Variants in PPARGC1A observed in about 807,000 individuals in gnomAD.
PPARGC1A encodes the protein PPARG coactivator 1 alpha.
In PPARGC1A, 25 loss-of-function variants were observed where a neutral mutation model predicts 88.7. The ratio of observed to expected loss-of-function variants is 0.28; its 90% confidence interval spans 0.21 to 0.39. PPARGC1A has a LOEUF of 0.39. Among genes scored for constraint, PPARGC1A ranks in the 10% least tolerant of loss-of-function variants. The probability of loss-of-function intolerance (pLI) is 1.00; values close to 1 mark genes in which losing one functional copy is unlikely to be tolerated. For missense variants in PPARGC1A, 880 were observed against 968.7 expected, an observed-to-expected ratio of 0.91 and a Z score of 1.22; for synonymous variants, 363 against 355.6, an observed-to-expected ratio of 1.02 and a Z score of -0.24.
At chr4:23,995,031 C>G in the PPARGC1A span, among the ~76,000 whole-genome samples, 1 of 152,084 alleles carries the variant, frequency 6.6e-6, no homozygotes, top group African/African-American at 2.4e-5. Flanking sequence ...TTTAATATAA[C>G]TTATTGTGAG....
the PPARGC1A span, among the ~76,000 whole-genome samples, chr4:24,189,584 A>G: frequency 6.6e-6 from 1 of 152,080 alleles, no homozygotes; most frequent in South Asian, 2.1e-4. Context: ...CACCTCTACT[A>G]CAAATGAGAA....
chr4:24,268,093 A>T, the PPARGC1A span, among the ~76,000 whole-genome samples: 1 of 152,260 alleles, frequency 6.6e-6, no homozygotes, highest in Admixed American at 6.5e-5. Flanking sequence ...TCATTAAAAT[A>T]TAAAGTTCTG....
chr4:24,002,097 C>CACACACACAGAG, the PPARGC1A span, among the ~76,000 whole-genome samples: 10 of 125,378 alleles, frequency 8.0e-5, no homozygotes, highest in African/African-American at 2.9e-4. Flanking sequence ...CACACACACA[C>CACACACACAGAG]AGAGAGAGAG....
chr4:23,897,526 A>G lies in PPARGC1A; in HGVS notation n.52+1741T>C, dbSNP rs140794727. 3.8e-4 allele frequency among the ~76,000 whole-genome samples: 58 copies of G among 152,334 alleles called. No homozygotes were observed. The Middle Eastern group carries it at 0.02, about 54-fold the overall frequency. ...TCTCTGCCAGATCTAAAATGCAGTG[A>G]TGTGCCTGTCTTGACAGAGACAGAC... On this transcript the variant is annotated intron_variant and non_coding_transcript_variant, in intron 1 of 3. Transcript: ENST00000507342.
chr4:23,882,538 C>T (rs1013531618), intron 2 of PPARGC1A: 8 of 152,110 alleles, frequency 5.3e-5, no homozygotes, highest in Non-Finnish European at 1.2e-4. Flanking sequence ...CCCTTGTCCC[C>T]AGGGATAACA....
the PPARGC1A span, among the ~76,000 whole-genome samples, chr4:24,048,911 G>A: frequency 1.3e-5 from 2 of 151,962 alleles, no homozygotes; most frequent in African/African-American, 4.8e-5. Context: ...GTCAACATAT[G>A]GCATTTCTGC....
the PPARGC1A span, among the ~76,000 whole-genome samples, chr4:24,438,128 AC>A: frequency 5.3e-5 from 8 of 152,140 alleles, no homozygotes; most frequent in Non-Finnish European, 1.5e-5. Context: ...GAGAAAGATA[AC>A]CTGACTCAAG....
chr4:24,472,208 G>T, the PPARGC1A span, among the ~76,000 whole-genome samples: 2 of 152,144 alleles, frequency 1.3e-5, no homozygotes, highest in Non-Finnish European at 2.9e-5. The surrounding 1 kb of genome is among the most constrained non-coding windows in gnomAD (Gnocchi z 4.5). Flanking sequence ...ATGGGGGAAG[G>T]GGGGGTATCT....
the PPARGC1A span, among the ~76,000 whole-genome samples, chr4:24,053,006 G>A: frequency 1.3e-5 from 2 of 150,652 alleles, no homozygotes; most frequent in East Asian, 2.0e-4. Context: ...TGGGACTACA[G>A]GCACCCGCCA....
the PPARGC1A span, among the ~76,000 whole-genome samples, chr4:24,314,455 T>C: frequency 6.6e-6 from 1 of 152,166 alleles, no homozygotes; most frequent in Non-Finnish European, 1.5e-5. Flanking sequence ...TACAATGCCA[T>C]CTATAAGGAA....
the PPARGC1A span, among the ~76,000 whole-genome samples, chr4:24,296,054 GTATA>G: frequency 3.3e-5 from 5 of 150,360 alleles, no homozygotes; most frequent in East Asian, 7.8e-4. Flanking sequence ...GTGTGTATGT[GTATA>G]TATGTGTATA....
At chr4:24,064,350 A>C in the PPARGC1A span, among the ~76,000 whole-genome samples, 1 of 152,144 alleles carries the variant, frequency 6.6e-6, no homozygotes. Flanking sequence ...TGGTTGAGGT[A>C]AGGGGACCAG....
chr4:23,835,937 A>C (rs913898588), intron 2 of PPARGC1A, among the ~76,000 whole-genome samples: 1 of 152,142 alleles, frequency 6.6e-6, no homozygotes, highest in Non-Finnish European at 1.5e-5. Context: ...TTTGGTCCCA[A>C]TTTACAGAGC....
chr4:24,122,424 T>C, the PPARGC1A span, among the ~76,000 whole-genome samples: 1 of 138,458 alleles, frequency 7.2e-6, no homozygotes, highest in South Asian at 2.4e-4. Flanking sequence ...TGCATATATA[T>C]ATATATATAT....
intron 2 of PPARGC1A, among the ~76,000 whole-genome samples, chr4:23,855,036 C>T (rs1386463112): frequency 6.6e-6 from 1 of 152,074 alleles, no homozygotes; most frequent in East Asian, 1.9e-4. Flanking sequence ...GGGGCGCACT[C>T]CCCGATACTG....
the PPARGC1A span, among the ~76,000 whole-genome samples, chr4:24,353,955 A>G: frequency 6.6e-6 from 1 of 152,180 alleles, no homozygotes; most frequent in Non-Finnish European, 1.5e-5. Context: ...ATTATCACAA[A>G]TTTTGTGGCC....
At chr4:24,268,398 T>G in the PPARGC1A span, among the ~76,000 whole-genome samples, 1 of 152,184 alleles carries the variant, frequency 6.6e-6, no homozygotes, top group Admixed American at 6.5e-5. Flanking sequence ...AATGATGGCC[T>G]TGCAAATGCA....
At chr4:23,809,543 G>A (rs1362775269) in intron 10 of PPARGC1A, among the ~76,000 whole-genome samples, 1 of 152,056 alleles carries the variant, frequency 6.6e-6, no homozygotes, top group Non-Finnish European at 1.5e-5. Flanking sequence ...GCAATGTCCA[G>A]TAATCATACA....
intron 12 of PPARGC1A, among the ~76,000 whole-genome samples, chr4:23,799,288 C>T (rs757485954): frequency 6.6e-6 from 1 of 150,544 alleles, no homozygotes; most frequent in Non-Finnish European, 1.5e-5. Flanking sequence ...AACGACTTTA[C>T]ACTTCTAACT....
Sources: allele counts gnomAD v4.1 joint callset (sites outside exome capture counted in the v4.1 genomes callset), GRCh38; gene constraint gnomAD v4.1.1; non-coding constraint Gnocchi (gnomAD v3.1); transcripts MANE v1.5; gene names NCBI Gene and HGNC (gene_info 2026-07-23, HGNC 2026-07-21).